ZNF81: variants seen among roughly 807,000 people sequenced by gnomAD.
ZNF81 encodes zinc finger protein 81 (HFZ20).
A neutral mutation model predicts 32.3 loss-of-function variants in ZNF81; 5 were observed. The observed-to-expected ratio is 0.15, with a 90% confidence interval of 0.08 to 0.33. ZNF81 has a LOEUF of 0.33. ZNF81 is among the 10% of genes least tolerant of loss of function. The pLI, the probability that ZNF81 is intolerant of heterozygous loss-of-function variation, is 1.00. For synonymous variants in ZNF81, 163 were observed against 166.8 expected (o/e 0.98, Z 0.17); for missense variants, 379 against 479.8 (o/e 0.79, Z 1.96).
rs2058758776 is a variant in ZNF81, at chrX:47,916,799, C to A, written c.*167C>A. Reference sequence around the variant, plus strand: ...GGAAAAAAATTATTCAGAAGAAACTCTCTTAAAAATGCATTGAAGGAGAGA... The same window carrying A: ...GGAAAAAAATTATTCAGAAGAAACTATCTTAAAAATGCATTGAAGGAGAGA... On this transcript the variant is annotated 3_prime_UTR_variant, in exon 5 of 5. Transcript: ENST00000338637. The A allele has an allele frequency of 4.0e-6, 2 of 495,640 alleles. No homozygotes were observed. The highest frequency in any genetic ancestry group is 6.7e-4 in the Middle Eastern group (1 of 1,485). The allele number at this position is 495,640 out of a possible 1,213,427, so 40.8% of individuals were successfully genotyped here. A position where few individuals can be genotyped will look rare whatever the true frequency, so the allele number is the denominator to read the frequency against.
chrX:47,921,792 C>T lies in ZNF81; in HGVS notation c.*5160C>T, dbSNP rs2058777940. 1 of 111,064 alleles carries T rather than the reference C, an allele frequency of 9.0e-6. No homozygotes were observed. The highest frequency in any genetic ancestry group is 3.3e-5 in the African/African-American group (1 of 30,515). The allele number at this position is 111,064 out of a possible 1,213,427, so 9.2% of individuals were successfully genotyped here. ...GAGTGAACTTTGAAGCATATCCTCC[C>T]CCAGTTTAGCCTTTAGATGAGGACC... On this transcript the variant is annotated 3_prime_UTR_variant, in exon 5 of 5. Transcript: ENST00000338637.
chrX:47,883,853 G>GTTT (rs2148026590), intron 2 of ZNF81, among the ~76,000 whole-genome samples: 1 of 112,030 alleles, frequency 8.9e-6, no homozygotes, highest in East Asian at 2.8e-4. Flanking sequence ...TCACACCCTT[G>GTTT]TGTAATCCAC....
intron 2 of ZNF81, among the ~76,000 whole-genome samples, chrX:47,846,945 G>A (rs1556880590): frequency 8.9e-6 from 1 of 111,820 alleles, no homozygotes; most frequent in African/African-American, 3.3e-5. Flanking sequence ...TATCTATGCT[G>A]TGATGACTAT....
chrX:47,868,942 TG>T (rs1569379805), intron 2 of ZNF81, among the ~76,000 whole-genome samples: 4 of 21,171 alleles, frequency 1.9e-4, no homozygotes, highest in African/African-American at 7.2e-4. Flanking sequence ...GGCGGGGGGG[TG>T]GGGGGGATCT....
At chrX:47,893,220 G>T (rs1354282370) in intron 3 of ZNF81, among the ~76,000 whole-genome samples, 1 of 110,828 alleles carries the variant, frequency 9.0e-6, no homozygotes, top group Non-Finnish European at 1.9e-5. Flanking sequence ...GGATAGAGGG[G>T]TGGAAGAGGT....
In ZNF81 at chrX:47,873,675, G is replaced by T. The variant is rs782739240; in HGVS notation, c.55-14324G>T. On this transcript the variant is annotated intron_variant, in intron 2 of 4. Coordinates refer to ENST00000338637, the MANE Select transcript of ZNF81 (RefSeq NM_007137.5). The stretch of plus-strand genomic sequence containing the variant: ...TGGAGTTTGTTTGTTTGTTTGTTTT[G>T]TTTTGTTTTGACACAGAGTCTTGCT... Among the ~76,000 whole-genome samples the T allele has an allele frequency of 2.7e-5, 3 of 111,467 alleles. No individual in the cohort carries two copies. The South Asian group carries it at 1.1e-3, about 42-fold the overall frequency.
At chrX:47,897,242 C>A (rs2058682773) in intron 4 of ZNF81, among the ~76,000 whole-genome samples, 1 of 112,064 alleles carries the variant, frequency 8.9e-6, no homozygotes, top group South Asian at 3.6e-4. Flanking sequence ...CACTTGTTAT[C>A]ATCAAACTCT....
In ZNF81 at chrX:47,919,720, C is replaced by T. The variant is rs1320587728; in HGVS notation, c.*3088C>T. 1.8e-5 allele frequency: 2 copies of T among 111,731 alleles called. No homozygotes were observed. Among genetic ancestry groups the T allele is most frequent in the Non-Finnish European group, 3.7e-5 (2 of 53,514 alleles). 9.2% of individuals were successfully genotyped at this position (111,731 alleles called of 1,213,427 possible). ...GATCCCTTTTATAAGGGCACCAATC[C>T]CATTCATGAGTTCTCCACCCACATT... On this transcript the variant is annotated 3_prime_UTR_variant, in exon 5 of 5. Transcript: ENST00000338637.
intron 2 of ZNF81, among the ~76,000 whole-genome samples, chrX:47,879,679 C>A (rs1339769540): frequency 1.8e-5 from 2 of 112,126 alleles, no homozygotes; most frequent in Non-Finnish European, 3.8e-5. Flanking sequence ...TCTAGTATAA[C>A]CTGCCCTTTG....
chrX:47,898,620 T>A (rs1556887526), intron 4 of ZNF81, among the ~76,000 whole-genome samples: 1 of 112,072 alleles, frequency 8.9e-6, no homozygotes, highest in Admixed American at 9.5e-5. Context: ...CCTACTGGGA[T>A]TTTGTTTGGA....
chrX:47,877,364 C>G (rs868976180), intron 2 of ZNF81, among the ~76,000 whole-genome samples: 19 of 111,528 alleles, frequency 1.7e-4, no homozygotes, highest in Middle Eastern at 4.6e-3. Flanking sequence ...TCTGTCCCCT[C>G]TCTAATAATT....
intron 2 of ZNF81, among the ~76,000 whole-genome samples, chrX:47,870,681 C>T (rs899450630): frequency 5.3e-5 from 6 of 112,410 alleles, no homozygotes; most frequent in Middle Eastern, 4.7e-3. Context: ...TTACCTTCTG[C>T]GGGCATTGAT....
chrX:47,843,465 A>ACACACACACAC (rs1569371652), intron 1 of ZNF81, among the ~76,000 whole-genome samples: 3 of 108,050 alleles, frequency 2.8e-5, no homozygotes, highest in South Asian at 8.0e-4. Context: ...ACACACACAC[A>ACACACACACAC]TTCTTGACTC....
chrX:47,850,893 A>G lies in ZNF81; in HGVS notation c.54+4572A>G, dbSNP rs1320614283. ...TGCACTCATTCACAGGCACGCGCGC[A>G]CACACACACACACACACACACACAC... On this transcript the variant is annotated intron_variant, in intron 2 of 4. Transcript: ENST00000338637. Among the ~76,000 whole-genome samples the G allele has an allele frequency of 1.1e-3, 17 of 15,170 alleles. No homozygotes were observed. In the East Asian group the frequency reaches 0.02, roughly 18 times the overall value. The allele number at this position is 15,170 out of a possible 115,157, so 13.2% of individuals were successfully genotyped here.
intron 3 of ZNF81, among the ~76,000 whole-genome samples, chrX:47,894,190 G>A (rs1173190598): frequency 1.8e-5 from 2 of 111,504 alleles, no homozygotes; most frequent in African/African-American, 6.5e-5. Flanking sequence ...TGACTAATGC[G>A]AGGAAACATC....
At chrX:47,896,235 C>G (rs1222423565) in intron 4 of ZNF81, among the ~76,000 whole-genome samples, 1 of 111,358 alleles carries the variant, frequency 9.0e-6, no homozygotes, top group Non-Finnish European at 1.9e-5. Context: ...GATATTCTTT[C>G]CTTCCTTCAG....
At chrX:47,869,080 G>T (rs1198703485) in intron 2 of ZNF81, among the ~76,000 whole-genome samples, 1 of 111,804 alleles carries the variant, frequency 8.9e-6, no homozygotes, top group Non-Finnish European at 1.9e-5. Flanking sequence ...AAAGGTGAGA[G>T]AATAAATCAC....
In ZNF81 at chrX:47,916,905, C is replaced by A; in HGVS notation, c.*273C>A. On this transcript the variant is annotated 3_prime_UTR_variant, in exon 5 of 5. Coordinates refer to ENST00000338637, the MANE Select transcript of ZNF81 (RefSeq NM_007137.5). ...AGTTTGGTGTGTTAGGAAAAGCCTTCCTATAGAAAGTATTATAAGTTAAAT... is the reference window on the plus strand; with the variant it reads ...AGTTTGGTGTGTTAGGAAAAGCCTTACTATAGAAAGTATTATAAGTTAAAT... 1 of 294,186 alleles carries A rather than the reference C, an allele frequency of 3.4e-6. No homozygotes were observed. Among genetic ancestry groups the A allele is most frequent in the Non-Finnish European group, 5.9e-6 (1 of 169,063 alleles). 24.2% of individuals were successfully genotyped at this position (294,186 alleles called of 1,213,427 possible). A position where few individuals can be genotyped will look rare whatever the true frequency, so the allele number is the denominator to read the frequency against.
chrX:47,859,997 T>A (rs2058532969), intron 2 of ZNF81, among the ~76,000 whole-genome samples: 1 of 110,496 alleles, frequency 9.1e-6, no homozygotes. Flanking sequence ...ATAATAAAAA[T>A]ATATATATTT....
Sources: allele counts gnomAD v4.1 joint callset (sites outside exome capture counted in the v4.1 genomes callset), GRCh38; gene constraint gnomAD v4.1.1; transcripts MANE v1.5; gene names NCBI Gene and HGNC (gene_info 2026-07-23, HGNC 2026-07-21).